The following RTF1 variants were observed in gnomAD, a reference collection of about 807,000 sequenced individuals.
RTF1 encodes the protein RTF1 homolog, Paf1/RNA polymerase II complex component.
A neutral mutation model predicts 95.7 loss-of-function variants in RTF1; 10 were observed. That is an observed-to-expected ratio of 0.10 (90% CI 0.06 to 0.18). The LOEUF (loss-of-function observed/expected upper bound fraction) is 0.18. Ranked by LOEUF, RTF1 falls within the 10% of genes least tolerant of loss-of-function variation. The probability of loss-of-function intolerance (pLI) is 1.00; values close to 1 mark genes in which losing one functional copy is unlikely to be tolerated. For synonymous variants in RTF1, 305 were observed against 311.8 expected (o/e 0.98, Z 0.23); for missense variants, 458 against 875.6 (o/e 0.52, Z 6.02).
chr15:41,470,871 G>A (rs2050908025), intron 7 of RTF1, among the ~76,000 whole-genome samples: 1 of 151,998 alleles, frequency 6.6e-6, no homozygotes, highest in East Asian at 1.9e-4. Flanking sequence ...TTTTAGCCGG[G>A]ATGGTCTCGA....
chr15:41,467,342 G>C (rs186591335), intron 6 of RTF1, among the ~76,000 whole-genome samples: 6 of 152,200 alleles, frequency 3.9e-5, no homozygotes, highest in African/African-American at 1.4e-4. Flanking sequence ...AATTGGCATA[G>C]TGTCACTATG....
chr15:41,466,803 C>A (rs538986396), intron 6 of RTF1, among the ~76,000 whole-genome samples: 2 of 152,344 alleles, frequency 1.3e-5, no homozygotes, highest in African/African-American at 4.8e-5. Flanking sequence ...TGCCTTGCAG[C>A]GTTATTTGCT....
chr15:41,442,528 G>A (rs1023539306), intron 2 of RTF1, among the ~76,000 whole-genome samples: 3 of 151,752 alleles, frequency 2.0e-5, no homozygotes, highest in Admixed American at 6.6e-5. Context: ...ATGTCTTCTC[G>A]TTTCTTCAAC....
At chr15:41,438,206 C>T in intron 1 of RTF1, 115 bp from the exon 2 acceptor site, 1 of 600,162 alleles carries the variant, frequency 1.7e-6, no homozygotes, top group Non-Finnish European at 2.8e-6. Context: ...TGACAATGTC[C>T]TTTAGTTGAA....
intron 12 of RTF1, 52 bp from the exon 13 acceptor site, chr15:41,477,113 G>A: frequency 6.2e-7 from 1 of 1,611,834 alleles, no homozygotes; most frequent in South Asian, 1.1e-5. Context: ...TACTTGATAT[G>A]GAGTCAGTTG....
intron 4 of RTF1, among the ~76,000 whole-genome samples, chr15:41,464,216 A>T (rs1595436984): frequency 6.7e-6 from 1 of 150,210 alleles, no homozygotes; most frequent in African/African-American, 2.4e-5. Context: ...AGTGGCGCAG[A>T]TGAGTACAGC....
chr15:41,451,795 C>G (rs1044203804), intron 2 of RTF1, among the ~76,000 whole-genome samples: 12 of 152,104 alleles, frequency 7.9e-5, no homozygotes, highest in African/African-American at 2.9e-4. Context: ...GTACTGAAAC[C>G]CAGACATATC....
chr15:41,471,938 A>G (rs1436735444), intron 8 of RTF1, among the ~76,000 whole-genome samples: 1 of 151,760 alleles, frequency 6.6e-6, no homozygotes. Flanking sequence ...TCATTCTGTC[A>G]CCCAGGCTGG....
chr15:41,458,642 A>G (rs1396876654), intron 4 of RTF1, among the ~76,000 whole-genome samples: 1 of 151,838 alleles, frequency 6.6e-6, no homozygotes, highest in East Asian at 1.9e-4. Flanking sequence ...CCAGCTACTC[A>G]GGAGGCCGAG....
chr15:41,432,240 C>G (rs2050678687), intron 1 of RTF1, among the ~76,000 whole-genome samples: 2 of 147,162 alleles, frequency 1.4e-5, no homozygotes, highest in African/African-American at 5.0e-5. Flanking sequence ...GTCACTCAGT[C>G]TGGATGGAGT....
intron 2 of RTF1, among the ~76,000 whole-genome samples, chr15:41,448,302 A>G (rs2050773080): frequency 6.6e-6 from 1 of 152,136 alleles, no homozygotes; most frequent in South Asian, 2.1e-4. Flanking sequence ...ACTGGCTTCC[A>G]GATTTTTTAA....
intron 4 of RTF1, among the ~76,000 whole-genome samples, chr15:41,460,902 A>T (rs1247431211): frequency 7.3e-6 from 1 of 137,530 alleles, no homozygotes; most frequent in African/African-American, 2.7e-5. Flanking sequence ...TTTGAGATGG[A>T]GTCTCACTCT....
At chr15:41,436,492 T>C (rs1595427801) in intron 1 of RTF1, among the ~76,000 whole-genome samples, 1 of 142,608 alleles carries the variant, frequency 7.0e-6, no homozygotes, top group Non-Finnish European at 1.5e-5. Context: ...GGCGTGGTGG[T>C]GGGTGCCTGT....
chr15:41,477,316 A>T (rs1322019984), intron 13 of RTF1, 30 bp downstream of exon 13: 3 of 1,613,970 alleles, frequency 1.9e-6, no homozygotes, highest in Middle Eastern at 3.3e-4. Flanking sequence ...TTTGGCCCGC[A>T]GACCTTGGCC....
Position 41,464,933 on chromosome 15 carries a change from A to AGTGTGTGTGT in RTF1, c.777+73_777+82dup, listed in dbSNP as rs67065750. 915 of 1,304,442 alleles carry AGTGTGTGTGT rather than the reference A, an allele frequency of 7.0e-4. 6 individuals are homozygous for AGTGTGTGTGT. The highest frequency in any genetic ancestry group is 3.8e-3 in the Middle Eastern group (13 of 3,392). 80.8% of individuals were successfully genotyped at this position (1,304,442 alleles called of 1,614,324 possible). On this transcript the variant is annotated intron_variant, in intron 5 of 17. Transcript: ENST00000389629. ...TTGTCCAAAGAATAAACCTGTTTTGAGTGTGTGTGTGTGTGTGTGTGTGTG... is the reference window on the plus strand; with the variant it reads ...TTGTCCAAAGAATAAACCTGTTTTGAGTGTGTGTGTGTGTGTGTGTGTGTGTGTGTGTGTG...
At chr15:41,480,524 C>A in intron 17 of RTF1, 57 bp from the exon 18 acceptor site, 2 of 1,289,724 alleles carry the variant, frequency 1.6e-6, no homozygotes, top group Non-Finnish European at 2.3e-6. Flanking sequence ...GAGTGTAGCA[C>A]AGGACTAAGA....
At position 41,477,295 on chromosome 15, in the gene RTF1, T is replaced by C. The variant is rs1428486433; in HGVS notation, c.1682+9T>C. On this transcript the variant is annotated intron_variant, in intron 13 of 17. Coordinates refer to ENST00000389629, the MANE Select transcript of RTF1 (RefSeq NM_015138.5). The stretch of plus-strand genomic sequence containing the variant: ...AACATATCCGCTATCAGGTGTGTTA[T>C]GGAGCCTATTTTTGGCCCGCAGACC... 4.3e-6 allele frequency: 7 copies of C among 1,614,214 alleles called. No homozygotes were observed. Among genetic ancestry groups the C allele is most frequent in the African/African-American group, 1.3e-5 (1 of 75,052 alleles).
rs1055935255 is a variant in RTF1 at position 41,428,894 on chromosome 15, A to G, written c.199-9427A>G. ...TGGGATTACAAGCATATGCCACCACATCTGCCTACTTTTTGTATTTTTAGT... is the reference window on the plus strand; with the variant it reads ...TGGGATTACAAGCATATGCCACCACGTCTGCCTACTTTTTGTATTTTTAGT... On this transcript the variant is annotated intron_variant, in intron 1 of 17. Coordinates refer to ENST00000389629, the MANE Select transcript of RTF1 (RefSeq NM_015138.5). 2.3e-4 allele frequency among the ~76,000 whole-genome samples: 35 copies of G among 151,718 alleles called. 1 individual carries two copies. Among genetic ancestry groups the G allele is most frequent in the Middle Eastern group, 3.2e-3 (1 of 316 alleles).
chr15:41,463,453 A>G (rs1336001672), intron 4 of RTF1, among the ~76,000 whole-genome samples: 2 of 152,188 alleles, frequency 1.3e-5, no homozygotes, highest in East Asian at 3.9e-4. Flanking sequence ...CCACCTCTTC[A>G]CTAACACTTT....
Sources: allele counts gnomAD v4.1 joint callset (sites outside exome capture counted in the v4.1 genomes callset), GRCh38; gene constraint gnomAD v4.1.1; transcripts MANE v1.5; gene names NCBI Gene and HGNC (gene_info 2026-07-23, HGNC 2026-07-21).